UNC5C: variants seen among roughly 807,000 people sequenced by gnomAD.
The protein encoded by UNC5C is netrin receptor UNC5C.
A neutral mutation model predicts 99.8 loss-of-function variants in UNC5C; 47 were observed. That is an observed-to-expected ratio of 0.47 (90% confidence interval 0.37 to 0.60). UNC5C has a LOEUF of 0.60. UNC5C is among the 20% of genes least tolerant of loss of function. The pLI is 0.00. For missense variants in UNC5C, 1,062 were observed against 1,165.9 expected, an observed-to-expected ratio of 0.91 and a Z score of 1.30; for synonymous variants, 487 against 452.2, an observed-to-expected ratio of 1.08 and a Z score of -0.98.
At chr4:95,298,162 A>C (rs552282707) in intron 3 of UNC5C, among the ~76,000 whole-genome samples, 1 of 152,258 alleles carries the variant, frequency 6.6e-6, no homozygotes, top group African/African-American at 2.4e-5. Context: ...AATGCAAAAA[A>C]GTAGCTGGTC....
At chr4:95,348,092 CA>C (rs752987467) in intron 1 of UNC5C, among the ~76,000 whole-genome samples, 3 of 151,918 alleles carry the variant, frequency 2.0e-5, no homozygotes, top group Non-Finnish European at 4.4e-5. Context: ...AAATAATCAG[CA>C]AAAGATTTGA....
At chr4:95,432,860 G>A (rs1560830742) in intron 1 of UNC5C, among the ~76,000 whole-genome samples, 1 of 152,074 alleles carries the variant, frequency 6.6e-6, no homozygotes, top group Non-Finnish European at 1.5e-5. Flanking sequence ...ACTCATCAAG[G>A]AAAAGAGCAA....
In UNC5C at chr4:95,247,305, G is replaced by A. The variant is rs776217078; in HGVS notation, c.776-2161C>T. Among the ~76,000 whole-genome samples, 103 of 151,952 alleles carry A rather than the reference G, an allele frequency of 6.8e-4. 1 individual carries two copies. The highest frequency in any genetic ancestry group is 1.8e-4 in the Non-Finnish European group (12 of 68,000). Reference sequence around the variant, plus strand: ...CTGGTGAGTCCAACCTATGAGGCTTGGACAAGTTATTTTAGGAGTTAATGT... The same window carrying A: ...CTGGTGAGTCCAACCTATGAGGCTTAGACAAGTTATTTTAGGAGTTAATGT... On this transcript the variant is annotated intron_variant, in intron 5 of 15. Transcript: ENST00000453304.
chr4:95,531,409 G>C (rs919732899), intron 1 of UNC5C, among the ~76,000 whole-genome samples: 1 of 152,124 alleles, frequency 6.6e-6, no homozygotes, highest in Non-Finnish European at 1.5e-5. Context: ...AGCTCTCTGC[G>C]GTAATTATGC....
chr4:95,182,590 G>A lies in UNC5C; in HGVS notation c.2451+307C>T, dbSNP rs1057032793. 4.6e-5 allele frequency among the ~76,000 whole-genome samples: 7 copies of A among 152,060 alleles called. No homozygotes were observed. In the East Asian group the frequency reaches 5.8e-4, roughly 13 times the overall value. The stretch of plus-strand genomic sequence containing the variant: ...TGGGGAGAAGTTACTCCATGTGCAC[G>A]CTCCTTAAATTAAACCTTTACTTGA... On this transcript the variant is annotated intron_variant, in intron 14 of 15. Transcript: ENST00000453304.
At chr4:95,185,022 C>T (rs1349850760) in intron 13 of UNC5C, 25 bp downstream of exon 13, 3 of 1,598,612 alleles carry the variant, frequency 1.9e-6, no homozygotes, top group Non-Finnish European at 2.6e-6. Flanking sequence ...GTCTCCAGAC[C>T]TTTTGTTCGG....
At chr4:95,356,208 A>C (rs201545770) in intron 1 of UNC5C, among the ~76,000 whole-genome samples, 5,493 of 131,434 alleles carry the variant, frequency 0.042, 457 homozygotes, top group Admixed American at 0.19. Flanking sequence ...AAAAAAAAAA[A>C]AAAACAAAAC....
chr4:95,395,502 A>T (rs1011712337), intron 1 of UNC5C, among the ~76,000 whole-genome samples: 3 of 152,158 alleles, frequency 2.0e-5, no homozygotes, highest in Non-Finnish European at 4.4e-5. Flanking sequence ...CTCCTCCCAG[A>T]CACTAAGGGT....
chr4:95,430,478 G>T (rs1746605593), intron 1 of UNC5C, among the ~76,000 whole-genome samples: 1 of 152,050 alleles, frequency 6.6e-6, no homozygotes, highest in South Asian at 2.1e-4. Context: ...TATTAGAAAA[G>T]AAATGCACTT....
Position 95,169,401 on chromosome 4 carries a change from T to C in UNC5C, c.2631-2A>G. ...TTGGTGGCAAAGTAATTCAAGTACC[T>C]GTAATTGGGAAAGAGAAAATGTGCT... On this transcript the variant is annotated splice_acceptor_variant, in intron 15 of 15. Coordinates refer to ENST00000453304, the MANE Select transcript of UNC5C (RefSeq NM_003728.4). LOFTEE classifies it high-confidence loss of function. 1.2e-6 allele frequency: 2 copies of C among 1,613,754 alleles called. No homozygotes were observed. Among genetic ancestry groups the C allele is most frequent in the Non-Finnish European group, 1.7e-6 (2 of 1,179,694 alleles).
chr4:95,527,946 T>C (rs1722540490), intron 1 of UNC5C, among the ~76,000 whole-genome samples: 1 of 152,140 alleles, frequency 6.6e-6, no homozygotes, highest in Non-Finnish European at 1.5e-5. Flanking sequence ...GCTTCAGAAA[T>C]ATTCATGGGC....
chr4:95,296,264 TAC>T (rs1241634182), intron 3 of UNC5C, among the ~76,000 whole-genome samples: 2 of 152,184 alleles, frequency 1.3e-5, no homozygotes, highest in African/African-American at 4.8e-5. Context: ...GTTCCTTCGG[TAC>T]ACACATATGA....
At chr4:95,479,965 C>T (rs1485239292) in intron 1 of UNC5C, among the ~76,000 whole-genome samples, 1 of 151,688 alleles carries the variant, frequency 6.6e-6, no homozygotes, top group African/African-American at 2.4e-5. Flanking sequence ...AATTCTGTCT[C>T]TTTCCTGGAA....
At chr4:95,540,290 A>T (rs1365279766) in intron 1 of UNC5C, among the ~76,000 whole-genome samples, 1 of 152,196 alleles carries the variant, frequency 6.6e-6, no homozygotes, top group Non-Finnish European at 1.5e-5. Context: ...GGCCTGTTGA[A>T]TAATATTATG....
chr4:95,395,889 G>A (rs545162476), intron 1 of UNC5C, among the ~76,000 whole-genome samples: 1 of 152,338 alleles, frequency 6.6e-6, no homozygotes, highest in East Asian at 1.9e-4. Flanking sequence ...CAAGCCACAA[G>A]CCCATGAAGA....
chr4:95,183,780 A>G (rs899442156), intron 13 of UNC5C, among the ~76,000 whole-genome samples: 1 of 152,218 alleles, frequency 6.6e-6, no homozygotes. Flanking sequence ...ATCCAGTACA[A>G]ATAAGAACCC....
chr4:95,342,738 T>TC (rs997266470), intron 1 of UNC5C, among the ~76,000 whole-genome samples: 2 of 151,970 alleles, frequency 1.3e-5, no homozygotes, highest in Non-Finnish European at 2.9e-5. Flanking sequence ...GGTTCCCAAT[T>TC]CCAGGCCTTG....
chr4:95,386,737 C>T (rs1295630752), intron 1 of UNC5C, among the ~76,000 whole-genome samples: 1 of 152,182 alleles, frequency 6.6e-6, no homozygotes, highest in African/African-American at 2.4e-5. Context: ...GCCATATGTT[C>T]ACCTTTGCTG....
intron 2 of UNC5C, among the ~76,000 whole-genome samples, chr4:95,326,469 A>G (rs1742887432): frequency 6.6e-6 from 1 of 152,200 alleles, no homozygotes; most frequent in Admixed American, 6.5e-5. Flanking sequence ...AAATGTAACC[A>G]CAAAATATTG....
Sources: allele counts gnomAD v4.1 joint callset (sites outside exome capture counted in the v4.1 genomes callset), GRCh38; gene constraint gnomAD v4.1.1; transcripts MANE v1.5; gene names NCBI Gene and HGNC (gene_info 2026-07-23, HGNC 2026-07-21).